Variants in B3GALT1 observed in about 807,000 individuals in gnomAD.
B3GALT1 encodes the protein UDP-Gal:betaGlcNAc beta 1,3-galactosyltransferase, polypeptide 1.
In B3GALT1, 10 loss-of-function variants were observed where a neutral mutation model predicts 23.2. That is an observed-to-expected ratio of 0.43 (90% CI 0.27 to 0.73). B3GALT1 has a LOEUF of 0.73. B3GALT1 is among the 30% of genes least tolerant of loss of function. The probability of loss-of-function intolerance (pLI) is 0.21; values close to 1 mark genes in which losing one functional copy is unlikely to be tolerated. For missense variants in B3GALT1, 299 were observed against 405.4 expected (o/e 0.74, Z 2.25); for synonymous variants, 156 against 141.5 (o/e 1.10, Z -0.73).
At chr2:167,820,614 A>C (rs562976161) in intron 4 of B3GALT1, among the ~76,000 whole-genome samples, 1 of 152,294 alleles carries the variant, frequency 6.6e-6, no homozygotes, top group East Asian at 1.9e-4. Context: ...CCCCCAACCC[A>C]TGGACCCACA....
chr2:167,446,281 C>T (rs1295085836), intron 1 of B3GALT1, among the ~76,000 whole-genome samples: 1 of 152,226 alleles, frequency 6.6e-6, no homozygotes, highest in African/African-American at 2.4e-5. Flanking sequence ...ACCTTACTCT[C>T]TGGCTTCCCT....
chr2:167,484,796 G>A (rs1480291160), intron 1 of B3GALT1, among the ~76,000 whole-genome samples: 2 of 152,102 alleles, frequency 1.3e-5, no homozygotes. Flanking sequence ...GAAAGGGAAG[G>A]GGATTCTCTA....
intron 2 of B3GALT1, among the ~76,000 whole-genome samples, chr2:167,523,879 CATA>C (rs10531501): frequency 1 from 152,325 of 152,326 alleles, 76,162 homozygotes; most frequent in Non-Finnish European, 1. Context: ...TTAATGGATT[CATA>C]ATAGTCCATT....
chr2:167,438,987 G>A (rs998757048), intron 1 of B3GALT1, among the ~76,000 whole-genome samples: 2 of 152,206 alleles, frequency 1.3e-5, no homozygotes, highest in African/African-American at 4.8e-5. Flanking sequence ...TGAGAGATGG[G>A]CTCTGCCTGA....
intron 1 of B3GALT1, among the ~76,000 whole-genome samples, chr2:167,480,778 T>C (rs1166928606): frequency 4.6e-5 from 7 of 152,156 alleles, no homozygotes; most frequent in Non-Finnish European, 8.8e-5. Context: ...GAGTCCCCAG[T>C]ACAAGAGTGA....
At chr2:167,681,245 G>GAT (rs545961790) in intron 3 of B3GALT1, among the ~76,000 whole-genome samples, 1,700 of 151,734 alleles carry the variant, frequency 0.011, 29 homozygotes, top group African/African-American at 0.038. Flanking sequence ...GCAGCCATCA[G>GAT]ATATATATAT....
Position 167,870,107 on chromosome 2 carries a change from G to A in B3GALT1, c.*87G>A. ...GTATTTTCCAGGTGTCGGGGGAAAT[G>A]AACTGGTGAAGGGGTTTTGTAAAGT... On this transcript the variant is annotated 3_prime_UTR_variant, in exon 5 of 5. Coordinates refer to ENST00000392690, the MANE Select transcript of B3GALT1 (RefSeq NM_020981.4). 7.3e-7 allele frequency: 1 copy of A among 1,374,744 alleles called. No individual in the cohort carries two copies. Among genetic ancestry groups the A allele is most frequent in the Non-Finnish European group, 9.8e-7 (1 of 1,024,924 alleles). The allele number at this position is 1,374,744 out of a possible 1,614,324, so 85.2% of individuals were successfully genotyped here. A position where few individuals can be genotyped will look rare whatever the true frequency, so the allele number is the denominator to read the frequency against.
chr2:167,558,847 G>A (rs1034129411), intron 2 of B3GALT1, among the ~76,000 whole-genome samples: 1 of 152,230 alleles, frequency 6.6e-6, no homozygotes, highest in Non-Finnish European at 1.5e-5. Context: ...AAGGAGGCCT[G>A]CCTGCCTCTG....
intron 1 of B3GALT1, among the ~76,000 whole-genome samples, chr2:167,392,579 A>G (rs567880842): frequency 1.3e-5 from 2 of 152,264 alleles, no homozygotes; most frequent in Non-Finnish European, 2.9e-5. Flanking sequence ...TTGTCTTGAG[A>G]TGTATTAAAC....
chr2:167,592,495 T>C (rs1471966766), intron 2 of B3GALT1, among the ~76,000 whole-genome samples: 1 of 152,230 alleles, frequency 6.6e-6, no homozygotes, highest in African/African-American at 2.4e-5. Flanking sequence ...ACCCATCTTG[T>C]TTGAGAGAGA....
chr2:167,301,493 G>C (rs1349344563), intron 1 of B3GALT1, among the ~76,000 whole-genome samples: 1 of 152,094 alleles, frequency 6.6e-6, no homozygotes, highest in East Asian at 1.9e-4. Context: ...TTAGTCAGTG[G>C]ATCATTGGGC....
At chr2:167,707,762 C>T (rs1037079841) in intron 3 of B3GALT1, among the ~76,000 whole-genome samples, 4 of 152,182 alleles carry the variant, frequency 2.6e-5, no homozygotes, top group East Asian at 1.9e-4. Flanking sequence ...TAACCTAACA[C>T]GTCCACAGAT....
At chr2:167,473,600 TTC>T (rs1647443230) in intron 1 of B3GALT1, among the ~76,000 whole-genome samples, 1 of 152,112 alleles carries the variant, frequency 6.6e-6, no homozygotes, top group African/African-American at 2.4e-5. Flanking sequence ...GGAGCCAAGG[TTC>T]TTTTCTTAGT....
intron 3 of B3GALT1, among the ~76,000 whole-genome samples, chr2:167,698,642 A>G (rs970842040): frequency 6.6e-6 from 1 of 152,246 alleles, no homozygotes; most frequent in African/African-American, 2.4e-5. Context: ...CTTTTATTTT[A>G]GAGCTTCTGA....
At chr2:167,747,055 G>A (rs1348441232) in intron 3 of B3GALT1, among the ~76,000 whole-genome samples, 6 of 151,924 alleles carry the variant, frequency 3.9e-5, no homozygotes, top group Non-Finnish European at 1.5e-5. Context: ...ACTAAATTCC[G>A]ATGATTTAAA....
intron 2 of B3GALT1, among the ~76,000 whole-genome samples, chr2:167,569,190 A>G (rs1574144646): frequency 6.6e-6 from 1 of 151,784 alleles, no homozygotes; most frequent in East Asian, 1.9e-4. Flanking sequence ...TCAGTATTAT[A>G]TTTGTTATTC....
intron 2 of B3GALT1, among the ~76,000 whole-genome samples, chr2:167,579,654 G>T (rs36033872): frequency 3.9e-5 from 6 of 152,038 alleles, no homozygotes; most frequent in Admixed American, 1.3e-4. Flanking sequence ...GCACTGTTGA[G>T]AAAACAAGGA....
chr2:167,817,131 G>A (rs751942844), intron 3 of B3GALT1, among the ~76,000 whole-genome samples: 5 of 152,204 alleles, frequency 3.3e-5, no homozygotes, highest in Admixed American at 6.5e-5. Flanking sequence ...AGGTTAAGCA[G>A]CTGTCTAGGC....
chr2:167,728,326 G>A (rs1262118094), intron 3 of B3GALT1, among the ~76,000 whole-genome samples: 2 of 152,206 alleles, frequency 1.3e-5, no homozygotes, highest in Non-Finnish European at 1.5e-5. Context: ...GGTGAAGGTT[G>A]CAGTGAGGTG....
Sources: gnomAD v4.1 joint callset for allele counts (sites outside exome capture counted in the v4.1 genomes callset) on GRCh38, gnomAD v4.1.1 for gene constraint, MANE v1.5 for transcripts, NCBI Gene and HGNC (gene_info 2026-07-23, HGNC 2026-07-21) for gene names.